The following FSTL4 variants were observed in gnomAD, a reference collection of about 807,000 sequenced individuals.
The protein encoded by FSTL4 is follistatin-related protein 4.
A neutral mutation model predicts 78.2 loss-of-function variants in FSTL4; 28 were observed. The observed-to-expected ratio is 0.36, with a 90% confidence interval of 0.27 to 0.49. The LOEUF (loss-of-function observed/expected upper bound fraction) is 0.49, where lower values mean the gene tolerates loss of function less well. FSTL4 is among the 20% of genes least tolerant of loss of function. FSTL4 has a pLI of 0.98. For synonymous variants in FSTL4, 422 were observed against 440.5 expected (o/e 0.96, Z 0.53); for missense variants, 922 against 1,084.9 (o/e 0.85, Z 2.11).
the FSTL4 span, among the ~76,000 whole-genome samples, chr5:133,767,288 C>A: frequency 6.6e-6 from 1 of 152,130 alleles, no homozygotes. Context: ...GTGAGGGGGG[C>A]ATCGATTCTA....
chr5:133,640,315 G>A, the FSTL4 span, among the ~76,000 whole-genome samples: 1 of 152,184 alleles, frequency 6.6e-6, no homozygotes, highest in South Asian at 2.1e-4. Context: ...CCTTGGAAGG[G>A]AGACATTGTC....
intron 7 of FSTL4, 143 bp downstream of exon 7, chr5:133,249,267 C>A: frequency 1.5e-6 from 1 of 664,016 alleles, no homozygotes; most frequent in South Asian, 1.8e-5. Context: ...CTGATACTGC[C>A]AAGCTGACAA....
At position 133,201,993 on chromosome 5, in the gene FSTL4, G is replaced by C; in HGVS notation, c.1766C>G (p.Pro589Arg). The C allele has an allele frequency of 2.5e-6, 4 of 1,612,518 alleles. No homozygotes were observed. The highest frequency in any genetic ancestry group is 3.4e-6 in the Non-Finnish European group (4 of 1,178,992). ...GAAGAAATCATCCACTCCTGCAAAG[G>C]GTGTGCGGATGAGGTGCTGGCTCTG... ...TGQSQHLIRT[P>R]FAGVDDFFIP... The change falls in exon 15 of 16, where the codon CCC (proline) becomes CGC (arginine). Residue 589 changes from proline to arginine, a missense_variant. Coordinates refer to ENST00000265342, the MANE Select transcript of FSTL4 (RefSeq NM_015082.2).
In FSTL4 at chr5:133,427,800, T is replaced by C; in HGVS notation, c.161-26814A>G. The C allele has an allele frequency of 1.2e-5, 5 of 429,008 alleles. 1 individual carries two copies. Among genetic ancestry groups the C allele is most frequent in the South Asian group, 9.4e-5 (5 of 53,416 alleles). 26.6% of individuals were successfully genotyped at this position (429,008 alleles called of 1,614,324 possible). ...CCATCAGGACAGACAAGGCTTTGGTTCCTTCTCAGAGGTTTCATCTGGCCA... is the reference window on the plus strand; with the variant it reads ...CCATCAGGACAGACAAGGCTTTGGTCCCTTCTCAGAGGTTTCATCTGGCCA... On this transcript the variant is annotated intron_variant, in intron 3 of 15. Coordinates refer to ENST00000265342, the MANE Select transcript of FSTL4 (RefSeq NM_015082.2).
chr5:133,377,961 C>T (rs1380941747), intron 4 of FSTL4, among the ~76,000 whole-genome samples: 1 of 151,758 alleles, frequency 6.6e-6, no homozygotes, highest in Non-Finnish European at 1.5e-5. Context: ...TTGTCAGAAG[C>T]TAAAGAAGCC....
At chr5:133,687,119 T>C in the FSTL4 span, among the ~76,000 whole-genome samples, 1 of 152,042 alleles carries the variant, frequency 6.6e-6, no homozygotes, top group East Asian at 1.9e-4. Context: ...AGGGCAAGTG[T>C]CGGGGGAACT....
the FSTL4 span, among the ~76,000 whole-genome samples, chr5:133,657,898 A>C: frequency 6.6e-6 from 1 of 151,894 alleles, no homozygotes; most frequent in Non-Finnish European, 1.5e-5. Flanking sequence ...GCTACAAGAA[A>C]TAACATTTTA....
At chr5:133,679,100 C>T in the FSTL4 span, among the ~76,000 whole-genome samples, 1 of 152,106 alleles carries the variant, frequency 6.6e-6, no homozygotes, top group African/African-American at 2.4e-5. Context: ...TCCCTATGCC[C>T]TCTCCCTCTC....
intron 2 of FSTL4, among the ~76,000 whole-genome samples, chr5:133,593,659 C>T (rs373964311): frequency 3.9e-5 from 6 of 152,162 alleles, no homozygotes; most frequent in African/African-American, 1.2e-4. Flanking sequence ...GTCCTGGGAC[C>T]AGGCGTGGGG....
the FSTL4 span, among the ~76,000 whole-genome samples, chr5:133,724,837 T>C: frequency 6.6e-6 from 1 of 152,214 alleles, no homozygotes; most frequent in Non-Finnish European, 1.5e-5. Flanking sequence ...CTGGAGGTTT[T>C]ATAGTTTTAG....
intron 6 of FSTL4, among the ~76,000 whole-genome samples, chr5:133,269,184 CAA>C (rs869156118): frequency 0.036 from 2,125 of 58,958 alleles, 29 homozygotes; most frequent in African/African-American, 0.087. Flanking sequence ...GACTCCATCT[CAA>C]AAAAAAAAAA....
At chr5:133,204,666 T>C (rs1750435201) in intron 14 of FSTL4, among the ~76,000 whole-genome samples, 1 of 151,928 alleles carries the variant, frequency 6.6e-6, no homozygotes, top group African/African-American at 2.4e-5. Context: ...ACCCCATCTC[T>C]ACAAAAAATA....
At chr5:133,645,027 G>C in the FSTL4 span, among the ~76,000 whole-genome samples, 5 of 151,900 alleles carry the variant, frequency 3.3e-5, no homozygotes, top group African/African-American at 1.2e-4. Flanking sequence ...GGTCCTAATG[G>C]TGGTAATAAC....
intron 2 of FSTL4, among the ~76,000 whole-genome samples, chr5:133,586,455 C>T (rs201364741): frequency 0.066 from 344 of 5,236 alleles, 14 homozygotes; most frequent in East Asian, 0.12. Context: ...GGGGATATCA[C>T]CACCGATCCC....
chr5:133,697,371 G>T, the FSTL4 span, among the ~76,000 whole-genome samples: 1 of 152,192 alleles, frequency 6.6e-6, no homozygotes, highest in Non-Finnish European at 1.5e-5. Flanking sequence ...GCCACACTGG[G>T]CAGCCACAGT....
the FSTL4 span, among the ~76,000 whole-genome samples, chr5:133,662,327 T>A: frequency 6.6e-6 from 1 of 152,370 alleles, no homozygotes; most frequent in South Asian, 2.1e-4. Flanking sequence ...ACAGTTGAAA[T>A]GCTCTGCAGT....
chr5:133,647,502 A>C, the FSTL4 span, among the ~76,000 whole-genome samples: 1 of 152,208 alleles, frequency 6.6e-6, no homozygotes, highest in East Asian at 1.9e-4. Context: ...CAAACTCTGC[A>C]GTCTTATATT....
the FSTL4 span, among the ~76,000 whole-genome samples, chr5:133,740,385 C>T: frequency 2.6e-5 from 4 of 152,262 alleles, no homozygotes; most frequent in East Asian, 1.9e-4. Context: ...GTTAATCCCT[C>T]GATCTTGATA....
At chr5:133,278,193 G>A (rs1752930296) in intron 6 of FSTL4, among the ~76,000 whole-genome samples, 1 of 152,192 alleles carries the variant, frequency 6.6e-6, no homozygotes, top group South Asian at 2.1e-4. Context: ...CCCATGACTG[G>A]CTGCAAGAAC....
Sources: gnomAD v4.1 joint callset for allele counts (sites outside exome capture counted in the v4.1 genomes callset) on GRCh38, gnomAD v4.1.1 for gene constraint, MANE v1.5 for transcripts, NCBI Gene and HGNC (gene_info 2026-07-23, HGNC 2026-07-21) for gene names.